The following GNB1L variants were observed in gnomAD, a reference collection of about 807,000 sequenced individuals.
The protein encoded by GNB1L is guanine nucleotide-binding protein subunit beta-like protein 1.
Under a neutral mutation model 29.1 loss-of-function variants are expected in GNB1L, and 20 were observed. The observed-to-expected ratio is 0.69, with a 90% CI of 0.48 to 1.00. The LOEUF (loss-of-function observed/expected upper bound fraction) is 1.00, where lower values mean the gene tolerates loss of function less well. GNB1L is among the 50% of genes least tolerant of loss of function. GNB1L has a pLI of 0.00. For missense variants in GNB1L, 421 were observed against 464.9 expected, an observed-to-expected ratio of 0.91 and a Z score of 0.87; for synonymous variants, 193 against 206.5, an observed-to-expected ratio of 0.93 and a Z score of 0.56.
chr22:19,786,130 A>AG lies in GNB1L; in HGVS notation c.*2578dup, dbSNP rs1015940581. 4.6e-5 allele frequency: 7 copies of AG among 152,392 alleles called. No homozygotes were observed. Among genetic ancestry groups the AG allele is most frequent in the African/African-American group, 1.7e-4 (7 of 41,566 alleles). The allele number at this position is 152,392 out of a possible 1,614,324, so 9.4% of individuals were successfully genotyped here. ...CCTCAGAAGCTGGATCTGCCTGGCAAGGGGGGCCCTATCTGCCTAGCCACC... is the reference window on the plus strand; with the variant it reads ...CCTCAGAAGCTGGATCTGCCTGGCAAGGGGGGGCCCTATCTGCCTAGCCACC... On this transcript the variant is annotated 3_prime_UTR_variant, in exon 8 of 8. Coordinates refer to ENST00000329517, the MANE Select transcript of GNB1L (RefSeq NM_053004.3).
At chr22:19,822,287 G>A (rs1002348365) in intron 2 of GNB1L, among the ~76,000 whole-genome samples, 4 of 152,196 alleles carry the variant, frequency 2.6e-5, no homozygotes, top group South Asian at 2.1e-4. Flanking sequence ...GTCGCCGTGC[G>A]GCTCCTTAGG....
Position 19,821,449 on chromosome 22 carries a change from G to A in GNB1L, c.-20-74C>T, listed in dbSNP as rs540146163. 13 of 1,410,820 alleles carry A rather than the reference G, an allele frequency of 9.2e-6. 1 individual carries two copies. In the South Asian group the frequency reaches 1.0e-4, roughly 11 times the overall value. 87.4% of individuals were successfully genotyped at this position (1,410,820 alleles called of 1,614,324 possible). On this transcript the variant is annotated intron_variant, in intron 2 of 7. Coordinates refer to ENST00000329517, the MANE Select transcript of GNB1L (RefSeq NM_053004.3). The stretch of plus-strand genomic sequence containing the variant: ...CTCTAGGAAGGCTGCTCAGGCACAG[G>A]GGTGCTTGAGATGTTGCCCCTGCTC...
chr22:19,825,326 A>G, intron 2 of GNB1L, among the ~76,000 whole-genome samples: 1 of 152,212 alleles, frequency 6.6e-6, no homozygotes, highest in Non-Finnish European at 1.5e-5. Context: ...TGTTGATAAA[A>G]GTTTCTTAGA....
intron 2 of GNB1L, among the ~76,000 whole-genome samples, chr22:19,828,966 G>C (rs1292372812): frequency 6.6e-6 from 1 of 152,042 alleles, no homozygotes; most frequent in South Asian, 2.1e-4. Context: ...CGAGTAGCTG[G>C]GACTACAGGC....
Position 19,812,389 on chromosome 22 carries a change from C to T in GNB1L, c.313G>A (p.Val105Met), listed in dbSNP as rs1037735016. The T allele has an allele frequency of 5.6e-6, 9 of 1,613,294 alleles. 1 individual carries two copies. The highest frequency in any genetic ancestry group is 1.1e-5 in the South Asian group (1 of 91,090). The change falls in exon 5 of 8, where the codon GTG becomes ATG. Residue 105 changes from valine (V) to methionine (M), a missense_variant. By Grantham distance (21) the Val-to-Met change is conservative. Transcript: ENST00000329517. ...WDLAEGRSAV[V>M]DSVCLESVGF... is the part of the protein sequence containing the mutation. ...ACACTCTCCAAGCACACGGAGTCCA[C>T]GACAGCGCTCCTGCCCTCCGCGAGG...
intron 4 of GNB1L, among the ~76,000 whole-genome samples, chr22:19,815,738 C>T (rs1331956644): frequency 5.9e-5 from 9 of 152,110 alleles, no homozygotes; most frequent in Admixed American, 5.9e-4. Context: ...TGTGCCACCA[C>T]ACCCAGCTAA....
Position 19,787,532 on chromosome 22 carries a change from G to C in GNB1L, c.*1177C>G, listed in dbSNP as rs1406718536. ...CTGCAGGAGGCTGGTGCCACTCTCA[G>C]GGTCACCCTCTGTATCTCATCCTGG... On this transcript the variant is annotated 3_prime_UTR_variant, in exon 8 of 8. Coordinates refer to ENST00000329517, the MANE Select transcript of GNB1L (RefSeq NM_053004.3). 6.6e-6 allele frequency: 1 copy of C among 152,542 alleles called. No individual in the cohort carries two copies. Among genetic ancestry groups the C allele is most frequent in the Non-Finnish European group, 1.5e-5 (1 of 68,284 alleles). The allele number at this position is 152,542 out of a possible 1,614,324, so 9.4% of individuals were successfully genotyped here.
intron 4 of GNB1L, 151 bp downstream of exon 4, chr22:19,820,447 T>A: frequency 1.2e-6 from 1 of 800,620 alleles, no homozygotes. Flanking sequence ...GGGCTGGACC[T>A]GCACACCCTG....
chr22:19,794,762 C>A (rs979350398), intron 7 of GNB1L, among the ~76,000 whole-genome samples: 3 of 152,174 alleles, frequency 2.0e-5, no homozygotes, highest in African/African-American at 7.2e-5. Context: ...GCAGACGGAT[C>A]ACGAGGTCAA....
intron 2 of GNB1L, chr22:19,852,351 G>C: frequency 7.0e-7 from 1 of 1,420,938 alleles, no homozygotes; most frequent in Non-Finnish European, 9.6e-7. Flanking sequence ...CAACAGGACA[G>C]GGATGGCTGA....
intron 4 of GNB1L, among the ~76,000 whole-genome samples, chr22:19,813,992 T>C (rs1937516026): frequency 6.6e-6 from 1 of 151,780 alleles, no homozygotes; most frequent in South Asian, 2.1e-4. Context: ...AAAAATAAAA[T>C]AAAAATAAAA....
chr22:19,850,926 G>A (rs549734060), intron 2 of GNB1L: 86 of 1,363,126 alleles, frequency 6.3e-5, no homozygotes, highest in South Asian at 8.3e-5. Context: ...CCCAGAAGAC[G>A]GGCAGGGATG....
At chr22:19,850,239 G>A in intron 2 of GNB1L, 1 of 985,624 alleles carries the variant, frequency 1.0e-6, no homozygotes, top group Non-Finnish European at 1.2e-6. Flanking sequence ...ACCTCAGCCA[G>A]TAATCCAACA....
chr22:19,800,793 G>A (rs1009640953), intron 7 of GNB1L, among the ~76,000 whole-genome samples: 14 of 152,208 alleles, frequency 9.2e-5, no homozygotes, highest in Admixed American at 6.5e-4. Flanking sequence ...CACTGGGGCC[G>A]CTCACAGAAC....
intron 4 of GNB1L, among the ~76,000 whole-genome samples, chr22:19,813,950 C>T (rs1382154382): frequency 6.6e-6 from 1 of 151,944 alleles, no homozygotes; most frequent in Non-Finnish European, 1.5e-5. Context: ...GAGCCATGAT[C>T]GAGTGACTGT....
chr22:19,819,723 C>T lies in GNB1L; in HGVS notation c.254+875G>A, dbSNP rs1204271439. The stretch of plus-strand genomic sequence containing the variant: ...CCTTCCTGCTGGGGTACAGTCTGGA[C>T]AAGTAATCCCCAAGTGATGCGTAGG... On this transcript the variant is annotated intron_variant, in intron 4 of 7. Coordinates refer to ENST00000329517, the MANE Select transcript of GNB1L (RefSeq NM_053004.3). Among the ~76,000 whole-genome samples the T allele has an allele frequency of 3.3e-5, 5 of 152,280 alleles. No homozygotes were observed. The East Asian group carries it at 5.8e-4, about 18-fold the overall frequency.
chr22:19,821,797 G>A (rs1453513746), intron 2 of GNB1L, among the ~76,000 whole-genome samples: 8 of 152,306 alleles, frequency 5.3e-5, no homozygotes, highest in South Asian at 2.1e-4. Flanking sequence ...CACTGGCTGT[G>A]CCCTCTGGCT....
In GNB1L at chr22:19,851,438, C is replaced by G. The variant is rs763673672; in HGVS notation, c.-21+3005G>C. The G allele has an allele frequency of 6.2e-6, 10 of 1,614,054 alleles. No individual in the cohort carries two copies. In the East Asian group the frequency reaches 2.2e-4, roughly 36 times the overall value. ...ACCAGGCTTGGAGCTACATGTAGAA[C>G]TGGGCAGGACTGGGGGCTCCTTGGG... On this transcript the variant is annotated intron_variant, in intron 2 of 7. Coordinates refer to ENST00000329517, the MANE Select transcript of GNB1L (RefSeq NM_053004.3).
rs547062238 is a variant in GNB1L at position 19,822,416 on chromosome 22, C to G, written c.-20-1041G>C. ...GGTCCGTGCCGAGCCCTTCCAACCA[C>G]TCAGACCCACAGGGCCTCGCACTCC... is the stretch of plus-strand genomic sequence containing the variant. On this transcript the variant is annotated intron_variant, in intron 2 of 7. Coordinates refer to ENST00000329517, the MANE Select transcript of GNB1L (RefSeq NM_053004.3). 3.5e-4 allele frequency among the ~76,000 whole-genome samples: 54 copies of G among 152,366 alleles called. No homozygotes were observed. In the South Asian group the frequency reaches 0.011, roughly 32 times the overall value.
Sources: allele counts gnomAD v4.1 joint callset (sites outside exome capture counted in the v4.1 genomes callset), GRCh38; gene constraint gnomAD v4.1.1; transcripts MANE v1.5; gene names NCBI Gene and HGNC (gene_info 2026-07-23, HGNC 2026-07-21).